The following OTUD7B variants were observed in gnomAD, a reference collection of about 807,000 sequenced individuals.
OTUD7B encodes OTU domain-containing protein 7B.
A neutral mutation model predicts 82.2 loss-of-function variants in OTUD7B; 34 were observed. That is an observed-to-expected ratio of 0.41 (90% CI 0.31 to 0.55). OTUD7B has a LOEUF of 0.55. Ranked by LOEUF, OTUD7B falls within the 20% of genes least tolerant of loss-of-function variation. The pLI is 0.20. For missense variants in OTUD7B, 944 were observed against 1,062.1 expected (o/e 0.89, Z 1.55); for synonymous variants, 398 against 402.7 (o/e 0.99, Z 0.14).
upstream of OTUD7B, among the ~76,000 whole-genome samples, chr1:150,012,859 G>C (rs78265746): frequency 9.1e-4 from 139 of 152,336 alleles, 1 homozygote; most frequent in East Asian, 0.019. Flanking sequence ...CCCAGGCTGT[G>C]TGGGTAGCAG....
At chr1:150,050,150 C>A in the OTUD7B span, among the ~76,000 whole-genome samples, 1 of 151,866 alleles carries the variant, frequency 6.6e-6, no homozygotes, top group Admixed American at 6.6e-5. Context: ...GCCATGATTG[C>A]GCCACTGTAC....
chr1:149,970,202 G>T, intron 3 of OTUD7B, among the ~76,000 whole-genome samples: 1 of 118,134 alleles, frequency 8.5e-6, no homozygotes. Flanking sequence ...GGCCAAGTCA[G>T]ATGGATTGCC....
the OTUD7B span, among the ~76,000 whole-genome samples, chr1:150,060,223 T>G: frequency 6.6e-6 from 1 of 152,214 alleles, no homozygotes; most frequent in Non-Finnish European, 1.5e-5. Context: ...GGTGATGAAC[T>G]GTGTCCCTGC....
intron 1 of OTUD7B, among the ~76,000 whole-genome samples, chr1:150,002,570 T>C (rs1652367417): frequency 1.3e-5 from 2 of 152,190 alleles, no homozygotes; most frequent in African/African-American, 4.8e-5. Flanking sequence ...TATCTGCTAG[T>C]ACAATGCAAT....
chr1:150,037,238 CA>C, the OTUD7B span, among the ~76,000 whole-genome samples: 52 of 86,716 alleles, frequency 6.0e-4, no homozygotes, highest in Admixed American at 3.9e-3. Context: ...AGAAGCCGCA[CA>C]AAATACCCTC....
intron 1 of OTUD7B, among the ~76,000 whole-genome samples, chr1:149,990,741 A>G (rs1337775803): frequency 6.6e-6 from 1 of 152,158 alleles, no homozygotes; most frequent in African/African-American, 2.4e-5. Flanking sequence ...CATGCCTGTA[A>G]TTCCAGCACT....
At chr1:150,000,393 T>C (rs587740224) in intron 1 of OTUD7B, among the ~76,000 whole-genome samples, 10 of 151,992 alleles carry the variant, frequency 6.6e-5, no homozygotes, top group African/African-American at 1.9e-4. Flanking sequence ...GACAATCACT[T>C]GAACGCTGGA....
At chr1:150,014,042 A>G (rs12143804), upstream of OTUD7B, among the ~76,000 whole-genome samples, 1 of 115,532 alleles carries the variant, frequency 8.7e-6, no homozygotes, top group Non-Finnish European at 1.8e-5. Flanking sequence ...ATACGTATAT[A>G]TGTGTGTGTA....
intron 1 of OTUD7B, among the ~76,000 whole-genome samples, chr1:150,003,690 T>A (rs1652458676): frequency 6.6e-6 from 1 of 152,194 alleles, no homozygotes; most frequent in Admixed American, 6.5e-5. Context: ...TAGGATGGTG[T>A]TTACAAGATA....
the OTUD7B span, among the ~76,000 whole-genome samples, chr1:150,016,446 C>CTTTTCTTT: frequency 6.9e-5 from 9 of 130,054 alleles, 3 homozygotes; most frequent in East Asian, 4.3e-4. Flanking sequence ...TTTCTCTTTT[C>CTTTTCTTT]TTTTTCTTTT....
chr1:149,943,552 C>A lies in OTUD7B; in HGVS notation c.*305G>T. The stretch of plus-strand genomic sequence containing the variant: ...ACACCAAACCTTCCCCTGCTACTTT[C>A]TCTTAGGTCCCTGGATGGGACCCAG... On this transcript the variant is annotated 3_prime_UTR_variant, in exon 12 of 12. Transcript: ENST00000581312. 1.5e-5 allele frequency: 4 copies of A among 262,370 alleles called. No homozygotes were observed. Among genetic ancestry groups the A allele is most frequent in the Non-Finnish European group, 2.2e-5 (3 of 136,778 alleles). The allele number at this position is 262,370 out of a possible 1,614,324, so 16.3% of individuals were successfully genotyped here.
At chr1:149,964,027 C>T (rs1649343426) in intron 6 of OTUD7B, 195 bp downstream of exon 6, 1 of 571,228 alleles carries the variant, frequency 1.8e-6, no homozygotes, top group Admixed American at 3.3e-5. Context: ...GTCTCATGCC[C>T]ACCACCAGTT....
chr1:149,985,950 CTCT>C (rs1242681685), intron 1 of OTUD7B, among the ~76,000 whole-genome samples: 2 of 152,030 alleles, frequency 1.3e-5, no homozygotes, highest in East Asian at 3.8e-4. Context: ...GAATTCTCAC[CTCT>C]TCTTTAAAAC....
chr1:149,964,719 G>A (rs782054279), intron 5 of OTUD7B, among the ~76,000 whole-genome samples: 2 of 150,742 alleles, frequency 1.3e-5, no homozygotes, highest in African/African-American at 4.9e-5. Context: ...TCAGCCTCCC[G>A]AGTAGCTAGG....
At chr1:150,054,111 A>C in the OTUD7B span, 3 of 383,200 alleles carry the variant, frequency 7.8e-6, no homozygotes, top group South Asian at 8.1e-5. Context: ...GTTGAAAAGC[A>C]AAAGGAGAAG....
chr1:149,945,131 A>C, intron 11 of OTUD7B, 66 bp from the exon 12 acceptor site: 1 of 1,536,364 alleles, frequency 6.5e-7, no homozygotes, highest in Non-Finnish European at 8.7e-7. Flanking sequence ...TCCCCCAGGG[A>C]CCTCTAGCCC....
chr1:149,961,489 T>G (rs1490191867), intron 6 of OTUD7B: 1 of 152,448 alleles, frequency 6.6e-6, no homozygotes, highest in Non-Finnish European at 1.5e-5. Flanking sequence ...CCGGAGTAGC[T>G]GGGACTACAC....
intron 1 of OTUD7B, among the ~76,000 whole-genome samples, chr1:149,979,182 A>G (rs1553779212): frequency 1.3e-5 from 2 of 152,168 alleles, no homozygotes; most frequent in African/African-American, 4.8e-5. Flanking sequence ...ATGCCTGATG[A>G]ATAAATGATT....
the OTUD7B span, among the ~76,000 whole-genome samples, chr1:150,034,347 T>C: frequency 6.6e-6 from 1 of 152,238 alleles, no homozygotes; most frequent in Non-Finnish European, 1.5e-5. Flanking sequence ...TGTCCATTGC[T>C]GCCTATTAGG....
Sources: allele counts gnomAD v4.1 joint callset (sites outside exome capture counted in the v4.1 genomes callset), GRCh38; gene constraint gnomAD v4.1.1; transcripts MANE v1.5; gene names NCBI Gene and HGNC (gene_info 2026-07-23, HGNC 2026-07-21).